FAM168B: variants seen among roughly 807,000 people sequenced by gnomAD.
FAM168B encodes the protein myelin-associated neurite-outgrowth inhibitor.
A neutral mutation model predicts 21.8 loss-of-function variants in FAM168B; 19 were observed. That is an observed-to-expected ratio of 0.87 (90% CI 0.61 to 1.28). The LOEUF (loss-of-function observed/expected upper bound fraction) is 1.28. FAM168B is among the 50% of genes most tolerant of loss of function. The pLI, the probability that FAM168B is intolerant of heterozygous loss-of-function variation, is 0.00. For missense variants in FAM168B, 233 were observed against 263.1 expected (o/e 0.89, Z 0.79); for synonymous variants, 126 against 104.8 (o/e 1.20, Z -1.24).
chr2:131,057,263 A>G (rs1692073863), intron 3 of FAM168B, among the ~76,000 whole-genome samples: 1 of 152,236 alleles, frequency 6.6e-6, no homozygotes, highest in South Asian at 2.1e-4. Context: ...TAGTAGCCAA[A>G]AATGGGAACT....
chr2:131,082,025 A>C (rs1466191365), intron 2 of FAM168B, among the ~76,000 whole-genome samples: 1 of 152,194 alleles, frequency 6.6e-6, no homozygotes, highest in Non-Finnish European at 1.5e-5. Flanking sequence ...TTGACCAACC[A>C]GCTCCTATCC....
intron 1 of FAM168B, among the ~76,000 whole-genome samples, chr2:131,084,961 C>T (rs1693608719): frequency 1.3e-5 from 2 of 152,112 alleles, no homozygotes; most frequent in South Asian, 2.1e-4. Flanking sequence ...GTGATCCTCC[C>T]GCCTTGGCCT....
At chr2:131,080,044 G>A (rs766308693) in intron 2 of FAM168B, among the ~76,000 whole-genome samples, 2 of 151,912 alleles carry the variant, frequency 1.3e-5, no homozygotes, top group Non-Finnish European at 2.9e-5. Flanking sequence ...CTGAACGCGG[G>A]AGGCAGAGGT....
intron 3 of FAM168B, among the ~76,000 whole-genome samples, chr2:131,066,888 G>C (rs1445877605): frequency 2.0e-5 from 3 of 152,122 alleles, no homozygotes; most frequent in Non-Finnish European, 2.9e-5. Context: ...AGAAATACCC[G>C]AGACTGGGTA....
In FAM168B at chr2:131,055,657, G is replaced by C. The variant is rs1691981186; in HGVS notation, c.193C>G (p.Pro65Ala). 1 of 1,613,756 alleles carries C rather than the reference G, an allele frequency of 6.2e-7. No individual in the cohort carries two copies. Among genetic ancestry groups the C allele is most frequent in the Non-Finnish European group, 8.5e-7 (1 of 1,179,824 alleles). Residue 65 changes from proline (P) to alanine (A), a missense_variant, in exon 4 of 7, where the codon CCC becomes GCC. By Grantham distance (27) the Pro-to-Ala change is conservative. Coordinates refer to ENST00000389915, the MANE Select transcript of FAM168B (RefSeq NM_001009993.4). ...TACGGTGGCACAGCCCCGCTGGTGG[G>C]GGAACAGGACACTTTGTAAGGTGTG... is the stretch of plus-strand genomic sequence containing the variant. Reference protein sequence around the residue: ...PGTPYKVSCSPTSGAVPPYSS... With the variant: ...PGTPYKVSCSATSGAVPPYSS...
Position 131,071,923 on chromosome 2 carries a change from C to A in FAM168B, c.86G>T (p.Gly29Val). ...GIGYPAGFPM[G>V]YAAAAPAYSP... is the part of the protein sequence containing the mutation. The stretch of plus-strand genomic sequence containing the variant: ...ATAGGCAGGAGCTGCTGCTGCATAG[C>A]CCATGGGAAAACCAGCTGAAGAAAA... Residue 29 changes from glycine (G) to valine (V), a missense_variant, in exon 3 of 7, where the codon GGC (glycine) becomes GTC (valine). Transcript: ENST00000389915. 6.2e-7 allele frequency: 1 copy of A among 1,613,988 alleles called. No individual in the cohort carries two copies. The highest frequency in any genetic ancestry group is 8.5e-7 in the Non-Finnish European group (1 of 1,179,924).
At chr2:131,053,832 A>G (rs919466332) in intron 5 of FAM168B, among the ~76,000 whole-genome samples, 1 of 152,162 alleles carries the variant, frequency 6.6e-6, no homozygotes, top group Non-Finnish European at 1.5e-5. Flanking sequence ...CTGTGATCGC[A>G]CCACTGCACT....
At chr2:131,076,303 T>C (rs1209603233) in intron 2 of FAM168B, among the ~76,000 whole-genome samples, 2 of 152,138 alleles carry the variant, frequency 1.3e-5, no homozygotes, top group Non-Finnish European at 2.9e-5. Context: ...CATGGTAGGC[T>C]GGAAAGGCCA....
Position 131,082,582 on chromosome 2 carries a change from T to A in FAM168B, c.65A>T (p.Tyr22Phe). The A allele has an allele frequency of 6.2e-7, 1 of 1,604,518 alleles. No individual in the cohort carries two copies. Among genetic ancestry groups the A allele is most frequent in the Non-Finnish European group, 8.5e-7 (1 of 1,175,404 alleles). ...ACAAAATTTTACTTACTTACCTGGA[T>A]AACCAATTCCTTTGGCATTTGCATA... Reference protein sequence around the residue: ...VPYANAKGIGYPAGFPMGYAA... With the variant: ...VPYANAKGIGFPAGFPMGYAA... Residue 22 changes from tyrosine (Y) to phenylalanine (F), a missense_variant, in exon 2 of 7, where the codon TAT (tyrosine) becomes TTT (phenylalanine). By Grantham distance (22) the Tyr-to-Phe change is conservative. Transcript: ENST00000389915.
At position 131,052,425 on chromosome 2, in the gene FAM168B, ATG is replaced by A. The variant is rs766806464; in HGVS notation, c.*38_*39del. 1.0e-6 allele frequency: 1 copy of A among 989,812 alleles called. No individual in the cohort carries two copies. The highest frequency in any genetic ancestry group is 1.2e-6 in the Non-Finnish European group (1 of 832,158). The allele number at this position is 989,812 out of a possible 1,614,324, so 61.3% of individuals were successfully genotyped here. A position where few individuals can be genotyped will look rare whatever the true frequency, so the allele number is the denominator to read the frequency against. On this transcript the variant is annotated 3_prime_UTR_variant, in exon 7 of 7. Transcript: ENST00000389915. ...AGCACCAGCTGTGGAATCCCCAATA[ATG>A]TGACTGCACAGCTCCGTCCTCAAAC...
intron 1 of FAM168B, among the ~76,000 whole-genome samples, chr2:131,089,006 G>A (rs1206915508): frequency 7.2e-6 from 1 of 138,904 alleles, no homozygotes; most frequent in Non-Finnish European, 1.5e-5. Context: ...CACTTTTGTT[G>A]CCCAGGCTGG....
At chr2:131,091,676 G>A (rs1315676676) in intron 1 of FAM168B, among the ~76,000 whole-genome samples, 2 of 151,242 alleles carry the variant, frequency 1.3e-5, no homozygotes, top group East Asian at 3.9e-4. Context: ...AAGAAAAGAA[G>A]TTCTCTCCCC....
intron 1 of FAM168B, among the ~76,000 whole-genome samples, chr2:131,092,548 A>G (rs1367072572): frequency 6.6e-6 from 1 of 152,224 alleles, no homozygotes; most frequent in Non-Finnish European, 1.5e-5. Flanking sequence ...TGCATGCGAA[A>G]ACACTGCAAA....
chr2:131,066,132 C>T (rs908324275), intron 3 of FAM168B, among the ~76,000 whole-genome samples: 1 of 151,756 alleles, frequency 6.6e-6, no homozygotes, highest in Non-Finnish European at 1.5e-5. Context: ...GCTATTTCAT[C>T]ACTCCATCAC....
chr2:131,058,994 G>A (rs1317179328), intron 3 of FAM168B, among the ~76,000 whole-genome samples: 2 of 152,060 alleles, frequency 1.3e-5, no homozygotes, highest in Non-Finnish European at 2.9e-5. Context: ...CAGGAGACCC[G>A]GGACAGTCCA....
chr2:131,077,184 G>A (rs998693276), intron 2 of FAM168B, among the ~76,000 whole-genome samples: 1 of 141,772 alleles, frequency 7.1e-6, no homozygotes, highest in East Asian at 2.1e-4. Flanking sequence ...AAGCCCACAA[G>A]ATGGAGTGTA....
At chr2:131,069,741 C>A (rs899082562) in intron 3 of FAM168B, among the ~76,000 whole-genome samples, 1 of 151,988 alleles carries the variant, frequency 6.6e-6, no homozygotes, top group Non-Finnish European at 1.5e-5. Context: ...GATCCACCCA[C>A]CCCGGCCTCC....
chr2:131,075,163 A>AGAGAC (rs1209838920), intron 2 of FAM168B, among the ~76,000 whole-genome samples: 30 of 152,036 alleles, frequency 2.0e-4, no homozygotes, highest in Admixed American at 2.0e-3. Context: ...GGGGATGCTG[A>AGAGAC]GAGACTCCTC....
chr2:131,059,244 C>A (rs561331060), intron 3 of FAM168B, among the ~76,000 whole-genome samples: 1 of 152,182 alleles, frequency 6.6e-6, no homozygotes, highest in Admixed American at 6.5e-5. Flanking sequence ...AAACCACCAA[C>A]ATAGCAGCAT....
Sources: gnomAD v4.1 joint callset for allele counts (sites outside exome capture counted in the v4.1 genomes callset) on GRCh38, gnomAD v4.1.1 for gene constraint, MANE v1.5 for transcripts, NCBI Gene and HGNC (gene_info 2026-07-23, HGNC 2026-07-21) for gene names.